Variants in HPF1 observed in about 807,000 individuals in gnomAD.
HPF1 encodes UPF0609 protein C4orf27.
A neutral mutation model predicts 38.8 loss-of-function variants in HPF1; 35 were observed. The observed-to-expected ratio is 0.90, with a 90% CI of 0.69 to 1.19. The LOEUF (loss-of-function observed/expected upper bound fraction) is 1.19. Ranked by LOEUF, HPF1 falls within the 50% of genes most tolerant of loss-of-function variation. HPF1 has a pLI of 0.00. For missense variants in HPF1, 367 were observed against 405.8 expected, an observed-to-expected ratio of 0.90 and a Z score of 0.82; for synonymous variants, 115 against 139.2, an observed-to-expected ratio of 0.83 and a Z score of 1.22.
At position 169,731,800 on chromosome 4, in the gene HPF1, A is replaced by C. The variant is rs1347499875; in HGVS notation, c.813T>G (p.Ile271Met). ...ACTGCACAAAAGTCATCATTTCCTG[A>C]ATGGGAGCAAAAGCTTTTAGTCTCT... Reference protein sequence around the residue: ...DEERLKAFAPIQEMMTFVQFA... With the variant: ...DEERLKAFAPMQEMMTFVQFA... Residue 271 changes from isoleucine to methionine, a missense_variant, in exon 7 of 8, where the codon ATT becomes ATG. Physicochemically the swap from Ile to Met is conservative, Grantham distance 10. Coordinates refer to ENST00000393381, the MANE Select transcript of HPF1 (RefSeq NM_017867.3). The C allele has an allele frequency of 6.2e-7, 1 of 1,609,126 alleles. No homozygotes were observed. The highest frequency in any genetic ancestry group is 8.5e-7 in the Non-Finnish European group (1 of 1,178,630).
intron 7 of HPF1, 32 bp downstream of exon 7, chr4:169,731,672 G>C (rs1383251905): frequency 2.7e-6 from 4 of 1,478,816 alleles, no homozygotes; most frequent in South Asian, 2.8e-5. Context: ...AGGTGTGGCA[G>C]TGGGTAGAAG....
Position 169,748,227 on chromosome 4 carries a change from T to A in HPF1, c.497+517A>T, listed in dbSNP as rs562957854. Among the ~76,000 whole-genome samples, 16 of 152,336 alleles carry A rather than the reference T, an allele frequency of 1.1e-4. No homozygotes were observed. The East Asian group carries it at 2.7e-3, about 26-fold the overall frequency. On this transcript the variant is annotated intron_variant, in intron 4 of 7. Transcript: ENST00000393381. ...TTGCCATGGAACACCTGAGGTCAAGTATTATTTTCGTTAAGTAAAATAGTT... is the reference window on the plus strand; with the variant it reads ...TTGCCATGGAACACCTGAGGTCAAGAATTATTTTCGTTAAGTAAAATAGTT...
rs375885652 is a variant in HPF1, at chr4:169,735,127, CA to C, written c.736+2532del. ...GGGTGACAAGAGCAAAATTCCATCTCAAAAAAAAAAAAAAAGAAGAAAGAAA... is the reference window on the plus strand; with the variant it reads ...GGGTGACAAGAGCAAAATTCCATCTCAAAAAAAAAAAAAAGAAGAAAGAAA... On this transcript the variant is annotated intron_variant, in intron 6 of 7. Coordinates refer to ENST00000393381, the MANE Select transcript of HPF1 (RefSeq NM_017867.3). Among the ~76,000 whole-genome samples, 666 of 98,346 alleles carry C rather than the reference CA, an allele frequency of 6.8e-3. 5 individuals carry two copies. The highest frequency in any genetic ancestry group is 0.013 in the African/African-American group (406 of 31,664). 64.5% of individuals were successfully genotyped at this position (98,346 alleles called of 152,430 possible).
intron 4 of HPF1, among the ~76,000 whole-genome samples, chr4:169,747,812 C>T (rs1734068419): frequency 6.6e-6 from 1 of 152,204 alleles, no homozygotes; most frequent in South Asian, 2.1e-4. Flanking sequence ...CCACGATCTC[C>T]ATCAATGAGC....
intron 4 of HPF1, among the ~76,000 whole-genome samples, chr4:169,743,909 T>C (rs1734012325): frequency 6.6e-6 from 1 of 151,474 alleles, no homozygotes; most frequent in Non-Finnish European, 1.5e-5. Context: ...GATAGTCAAC[T>C]TACCCAAGTT....
Position 169,731,796 on chromosome 4 carries a change from C to T in HPF1, c.817G>A (p.Glu273Lys), listed in dbSNP as rs765119587. 3.7e-6 allele frequency: 6 copies of T among 1,607,696 alleles called. No homozygotes were observed. The highest frequency in any genetic ancestry group is 2.2e-5 in the East Asian group (1 of 44,734). Reference protein sequence around the residue: ...ERLKAFAPIQEMMTFVQFAND... With the variant: ...ERLKAFAPIQKMMTFVQFAND... ...GCAAACTGCACAAAAGTCATCATTT[C>T]CTGAATGGGAGCAAAAGCTTTTAGT... Residue 273 changes from glutamate (E) to lysine (K), a missense_variant, in exon 7 of 8, where the codon GAA (glutamate) becomes AAA (lysine). Physicochemically the swap from Glu to Lys is moderately conservative, Grantham distance 56 (BLOSUM62 1). Transcript: ENST00000393381.
intron 4 of HPF1, among the ~76,000 whole-genome samples, chr4:169,747,148 G>A (rs1174200542): frequency 2.0e-5 from 3 of 150,110 alleles, no homozygotes; most frequent in Non-Finnish European, 4.4e-5. Flanking sequence ...CATCTAGTAT[G>A]GGGCAGATAC....
chr4:169,740,584 A>G (rs1172180732), intron 5 of HPF1, among the ~76,000 whole-genome samples: 1 of 152,264 alleles, frequency 6.6e-6, no homozygotes, highest in East Asian at 1.9e-4. Flanking sequence ...AAACAATAAA[A>G]GAACAACCTT....
intron 4 of HPF1, among the ~76,000 whole-genome samples, chr4:169,744,664 C>G (rs1459942577): frequency 1.3e-5 from 2 of 152,296 alleles, no homozygotes; most frequent in East Asian, 3.9e-4. Flanking sequence ...AGCTATTGCG[C>G]TCACAGTGGT....
At chr4:169,742,670 T>C (rs1323118100) in intron 4 of HPF1, among the ~76,000 whole-genome samples, 1 of 152,174 alleles carries the variant, frequency 6.6e-6, no homozygotes, top group Non-Finnish European at 1.5e-5. Context: ...CGGGCGCCTG[T>C]AGTCCCAGCT....
intron 4 of HPF1, among the ~76,000 whole-genome samples, chr4:169,743,285 T>G (rs896060290): frequency 6.6e-6 from 1 of 151,680 alleles, no homozygotes; most frequent in African/African-American, 2.4e-5. Flanking sequence ...AATTTTTGTA[T>G]TTTTAGTGGA....
Position 169,753,799 on chromosome 4 carries a change from A to C in HPF1, c.85T>G (p.Cys29Gly), listed in dbSNP as rs776600315. The change falls in exon 2 of 8, where the codon TGT becomes GGT. Residue 29 changes from cysteine to glycine, a missense_variant. Transcript: ENST00000393381. ...AGGTCACTGGAGACATCAGCTTCAC[A>C]GAATTTACTTTTCTTCACATCAGTT... The part of the protein sequence containing the change: ...KTTDVKKSKF[C>G]EADVSSDLRK... 5 of 1,609,976 alleles carry C rather than the reference A, an allele frequency of 3.1e-6. No individual in the cohort carries two copies. In the African/African-American group the frequency reaches 4.0e-5, roughly 13 times the overall value.
intron 2 of HPF1, 60 bp from the exon 3 acceptor site, chr4:169,750,785 AT>A: frequency 8.0e-7 from 1 of 1,255,918 alleles, no homozygotes; most frequent in Non-Finnish European, 1.1e-6. Flanking sequence ...TAATGCTTTT[AT>A]TTAGTAAACT....
At chr4:169,753,513 T>A (rs1714591552) in intron 2 of HPF1, among the ~76,000 whole-genome samples, 163 bp downstream of exon 2, 1 of 152,166 alleles carries the variant, frequency 6.6e-6, no homozygotes, top group Non-Finnish European at 1.5e-5. Flanking sequence ...TTTTAATTTT[T>A]TTGTGGAGGT....
At position 169,742,008 on chromosome 4, in the gene HPF1, C is replaced by T. The variant is rs755686372; in HGVS notation, c.597G>A (p.Leu199=). Reference sequence around the variant, plus strand: ...CGGTTCTCTGTTCAAGCGAGTACCCCAATTCTCTGGCTGCTTCTGTGAGTT... The same window carrying T: ...CGGTTCTCTGTTCAAGCGAGTACCCTAATTCTCTGGCTGCTTCTGTGAGTT... The part of the protein sequence containing the change: ...DEKLTEAARE[L]GYSLEQRTVK... Residue 199 remains leucine (L), a synonymous_variant, in exon 5 of 8, where the codon TTG becomes TTA. Coordinates refer to ENST00000393381, the MANE Select transcript of HPF1 (RefSeq NM_017867.3). 1.2e-6 allele frequency: 2 copies of T among 1,613,176 alleles called. No individual in the cohort carries two copies. Among genetic ancestry groups the T allele is most frequent in the African/African-American group, 2.7e-5 (2 of 74,922 alleles).
At chr4:169,730,653 G>A (rs1733817624) in intron 7 of HPF1, among the ~76,000 whole-genome samples, 1 of 152,144 alleles carries the variant, frequency 6.6e-6, no homozygotes, top group Non-Finnish European at 1.5e-5. Flanking sequence ...GTGAGCGTTT[G>A]GACAAGCCTT....
chr4:169,731,849 A>G lies in HPF1; in HGVS notation c.764T>C (p.Ile255Thr). 1 of 1,613,380 alleles carries G rather than the reference A, an allele frequency of 6.2e-7. No homozygotes were observed. The highest frequency in any genetic ancestry group is 1.3e-5 in the African/African-American group (1 of 75,012). Residue 255 changes from isoleucine (I) to threonine (T), a missense_variant, in exon 7 of 8, where the codon ATA (isoleucine) becomes ACA (threonine). By Grantham distance (89) the Ile-to-Thr change is moderately conservative. Coordinates refer to ENST00000393381, the MANE Select transcript of HPF1 (RefSeq NM_017867.3). ...DADLKRICKT[I>T]VEAASDEERL... ...CTCCTCATCACTTGCAGCCTCAACTATTGTCTTGCAAATTCTCTTGAGGTC... is the reference window on the plus strand; with the variant it reads ...CTCCTCATCACTTGCAGCCTCAACTGTTGTCTTGCAAATTCTCTTGAGGTC...
intron 4 of HPF1, 93 bp from the exon 5 acceptor site, chr4:169,742,200 T>G: frequency 1.0e-6 from 1 of 993,504 alleles, no homozygotes; most frequent in Non-Finnish European, 1.5e-6. Flanking sequence ...AATGTCAAAT[T>G]CCATACAAGA....
At chr4:169,741,341 T>G (rs1733966663) in intron 5 of HPF1, among the ~76,000 whole-genome samples, 1 of 152,176 alleles carries the variant, frequency 6.6e-6, no homozygotes, top group Admixed American at 6.5e-5. Context: ...AAATTTTTTT[T>G]TTGTTTTTGT....
Sources: gnomAD v4.1 joint callset for allele counts (sites outside exome capture counted in the v4.1 genomes callset) on GRCh38, gnomAD v4.1.1 for gene constraint, MANE v1.5 for transcripts, NCBI Gene and HGNC (gene_info 2026-07-23, HGNC 2026-07-21) for gene names.